Variants in MAGI1 observed in about 807,000 individuals in gnomAD.
The protein encoded by MAGI1 is membrane-associated guanylate kinase, WW and PDZ domain-containing protein 1.
A neutral mutation model predicts 139.9 loss-of-function variants in MAGI1; 58 were observed. The observed-to-expected ratio is 0.41, with a 90% confidence interval of 0.34 to 0.52. MAGI1 has a LOEUF of 0.52. Among genes scored for constraint, MAGI1 ranks in the 20% least tolerant of loss-of-function variants. The pLI is 0.12. For synonymous variants in MAGI1, 812 were observed against 737.9 expected (o/e 1.10, Z -1.63); for missense variants, 1,874 against 1,901.6 (o/e 0.99, Z 0.27).
intron 1 of MAGI1, among the ~76,000 whole-genome samples, chr3:66,013,407 AAAAAAAAAAAAAG>A (rs199603185): frequency 0.032 from 1,103 of 34,572 alleles, 12 homozygotes; most frequent in African/African-American, 0.076. Context: ...TGTCTCAAAT[AAAAAAAAAAAAAG>A]AAAAAAAAAA....
intron 2 of MAGI1, among the ~76,000 whole-genome samples, chr3:65,503,965 G>T (rs116634844): frequency 6.6e-6 from 1 of 152,122 alleles, no homozygotes. Context: ...ACCTTTCAAG[G>T]AGATCCACAT....
chr3:65,503,254 T>C (rs2107709714), intron 2 of MAGI1, among the ~76,000 whole-genome samples: 1 of 152,114 alleles, frequency 6.6e-6, no homozygotes, highest in East Asian at 1.9e-4. Flanking sequence ...CATTATAAAA[T>C]AAACACGAAT....
intron 1 of MAGI1, among the ~76,000 whole-genome samples, chr3:65,812,396 G>A (rs565510737): frequency 6.6e-6 from 1 of 151,302 alleles, no homozygotes; most frequent in South Asian, 2.1e-4. Context: ...ATACATTACG[G>A]TTGAAAAAAT....
chr3:65,400,451 C>T (rs1273020952), intron 13 of MAGI1, among the ~76,000 whole-genome samples: 1 of 152,072 alleles, frequency 6.6e-6, no homozygotes, highest in African/African-American at 2.4e-5. Flanking sequence ...CAAGGTTCTC[C>T]CTTCCTGGAT....
intron 2 of MAGI1, among the ~76,000 whole-genome samples, chr3:65,539,122 C>T (rs963203760): frequency 2.0e-5 from 3 of 151,856 alleles, no homozygotes; most frequent in South Asian, 4.2e-4. Context: ...TACCAACTAC[C>T]GTCAAACAGA....
intron 1 of MAGI1, among the ~76,000 whole-genome samples, chr3:65,637,568 G>GAAAGAAAGAAAGAAAC (rs1559743502): frequency 1.2e-4 from 15 of 121,054 alleles, no homozygotes; most frequent in African/African-American, 4.0e-4. Context: ...AAGAAAGAAA[G>GAAAGAAAGAAAGAAAC]AAAGAAAGAA....
At chr3:65,871,002 G>A (rs766253402) in intron 1 of MAGI1, among the ~76,000 whole-genome samples, 15 of 151,972 alleles carry the variant, frequency 9.9e-5, no homozygotes, top group Non-Finnish European at 1.6e-4. Flanking sequence ...GTAGTAGTGC[G>A]ATCACAGTTC....
chr3:65,996,142 G>A (rs1046151073), intron 1 of MAGI1, among the ~76,000 whole-genome samples: 5 of 152,026 alleles, frequency 3.3e-5, no homozygotes, highest in Admixed American at 1.3e-4. Flanking sequence ...ACTGAACTTC[G>A]CAACTGGGCA....
At chr3:65,363,361 T>C (rs374869768) in intron 21 of MAGI1, 104 bp downstream of exon 21, 88 of 1,328,138 alleles carry the variant, frequency 6.6e-5, no homozygotes, top group Admixed American at 2.7e-4. Context: ...ATGAAAGCTA[T>C]AGAAAATGTA....
At chr3:65,385,649 T>A (rs1943389013) in intron 14 of MAGI1, among the ~76,000 whole-genome samples, 1 of 152,148 alleles carries the variant, frequency 6.6e-6, no homozygotes, top group Non-Finnish European at 1.5e-5. Flanking sequence ...TCAGAGGAGT[T>A]TGAATCTGAT....
intron 1 of MAGI1, among the ~76,000 whole-genome samples, chr3:65,787,345 A>T (rs981915530): frequency 3.3e-5 from 5 of 151,994 alleles, no homozygotes; most frequent in Non-Finnish European, 5.9e-5. Context: ...AAGAAACCGG[A>T]TCACCAAATG....
At position 65,860,522 on chromosome 3, in the gene MAGI1, C is replaced by T. The variant is rs77545884; in HGVS notation, c.313+177474G>A. ...GGCAGCCCGCGCGTTCCCCTCCCTCCGCACCGATTAAAAAGAGGAACAGGT... is the reference window on the plus strand; with the variant it reads ...GGCAGCCCGCGCGTTCCCCTCCCTCTGCACCGATTAAAAAGAGGAACAGGT... On this transcript the variant is annotated intron_variant, in intron 1 of 22. Coordinates refer to ENST00000402939, the MANE Select transcript of MAGI1 (RefSeq NM_001033057.2). 7.1e-3 allele frequency among the ~76,000 whole-genome samples: 1,084 copies of T among 152,296 alleles called. 30 individuals are homozygous for T. In the East Asian group the frequency reaches 0.1, roughly 14 times the overall value.
chr3:65,555,322 A>G (rs1418558253), intron 2 of MAGI1, among the ~76,000 whole-genome samples: 1 of 152,088 alleles, frequency 6.6e-6, no homozygotes, highest in Non-Finnish European at 1.5e-5. Context: ...CTGCCTCAGA[A>G]TAGCTATGAG....
intron 2 of MAGI1, among the ~76,000 whole-genome samples, chr3:65,548,545 C>A (rs1184885758): frequency 1.0e-5 from 1 of 95,460 alleles, no homozygotes; most frequent in Non-Finnish European, 1.9e-5. Flanking sequence ...TTTTTTGAGA[C>A]GGAGTCTCTC....
At chr3:65,696,436 T>C (rs535627337) in intron 1 of MAGI1, among the ~76,000 whole-genome samples, 1 of 152,268 alleles carries the variant, frequency 6.6e-6, no homozygotes, top group Admixed American at 6.5e-5. Flanking sequence ...ATCCTTTACA[T>C]TCATGGGGCA....
chr3:65,787,919 G>A (rs1453119676), intron 1 of MAGI1, among the ~76,000 whole-genome samples: 2 of 152,170 alleles, frequency 1.3e-5, no homozygotes, highest in Non-Finnish European at 2.9e-5. Flanking sequence ...AGCATGGAAA[G>A]TGACGGGGTT....
At chr3:65,977,072 C>G (rs1051919024) in intron 1 of MAGI1, among the ~76,000 whole-genome samples, 1 of 152,038 alleles carries the variant, frequency 6.6e-6, no homozygotes, top group African/African-American at 2.4e-5. Context: ...ATTAAAGCAC[C>G]CTGGGCTTTT....
intron 1 of MAGI1, among the ~76,000 whole-genome samples, chr3:65,911,078 G>A (rs959843272): frequency 2.0e-5 from 3 of 151,212 alleles, no homozygotes; most frequent in African/African-American, 4.9e-5. Flanking sequence ...GGCTGGTGTC[G>A]AACTCCTGAC....
chr3:65,741,112 C>T (rs2035223319), intron 1 of MAGI1, among the ~76,000 whole-genome samples: 1 of 151,668 alleles, frequency 6.6e-6, no homozygotes. Flanking sequence ...ATGGTTATGA[C>T]CAGAGAGAAC....
Sources: gnomAD v4.1 joint callset for allele counts (sites outside exome capture counted in the v4.1 genomes callset) on GRCh38, gnomAD v4.1.1 for gene constraint, MANE v1.5 for transcripts, NCBI Gene and HGNC (gene_info 2026-07-23, HGNC 2026-07-21) for gene names.